The following SOX6 variants were observed in gnomAD, a reference collection of about 807,000 sequenced individuals.
SOX6 encodes transcription factor SOX-6.
Under a neutral mutation model 97.8 loss-of-function variants are expected in SOX6, and 11 were observed. That is an observed-to-expected ratio of 0.11 (90% confidence interval 0.07 to 0.19). The LOEUF is 0.19. Ranked by LOEUF, SOX6 falls within the 10% of genes least tolerant of loss-of-function variation. The probability of loss-of-function intolerance (pLI) is 1.00; values close to 1 mark genes in which losing one functional copy is unlikely to be tolerated. For missense variants in SOX6, 810 were observed against 1,039.5 expected (o/e 0.78, Z 3.04); for synonymous variants, 360 against 371.4 (o/e 0.97, Z 0.35).
In SOX6 at chr11:16,201,884, C is replaced by T. The variant is rs935542106; in HGVS notation, c.536-14929G>A. The stretch of plus-strand genomic sequence containing the variant: ...TCCTGACCTCGTGATCCGCCCGCCT[C>T]GGCCTCCCAAAGTGCTGGGATTACA... On this transcript the variant is annotated intron_variant, in intron 4 of 15. Coordinates refer to ENST00000683767, the MANE Select transcript of SOX6 (RefSeq NM_001367873.1). Among the ~76,000 whole-genome samples the T allele has an allele frequency of 6.6e-5, 9 of 135,478 alleles. 1 individual carries two copies. The East Asian group carries it at 1.5e-3, about 22-fold the overall frequency. 88.9% of individuals were successfully genotyped at this position (135,478 alleles called of 152,430 possible). A position where few individuals can be genotyped will look rare whatever the true frequency, so the allele number is the denominator to read the frequency against.
intron 6 of SOX6, among the ~76,000 whole-genome samples, chr11:16,132,063 A>G (rs1279353986): frequency 2.0e-5 from 3 of 151,728 alleles, no homozygotes; most frequent in Admixed American, 1.3e-4. Context: ...AAATTGTCCT[A>G]TAAAGCAGGC....
At chr11:16,098,678 C>A (rs935172773) in intron 7 of SOX6, among the ~76,000 whole-genome samples, 1 of 151,778 alleles carries the variant, frequency 6.6e-6, no homozygotes, top group Non-Finnish European at 1.5e-5. Context: ...TTAAAGTCAG[C>A]GTTATGTAAT....
At chr11:16,556,361 C>T (rs963642388) in intron 4 of SOX6, among the ~76,000 whole-genome samples, 4 of 151,728 alleles carry the variant, frequency 2.6e-5, no homozygotes, top group Non-Finnish European at 5.9e-5. Flanking sequence ...AAACTACCAG[C>T]AATGCTAATC....
intron 1 of SOX6, among the ~76,000 whole-genome samples, chr11:16,362,868 C>T (rs1033337881): frequency 3.9e-4 from 60 of 152,256 alleles, no homozygotes; most frequent in African/African-American, 1.4e-3. Context: ...CACTTCATTG[C>T]AGAGGCAGCC....
chr11:16,547,671 TACAA>T (rs1847637437), intron 4 of SOX6, among the ~76,000 whole-genome samples: 1 of 152,082 alleles, frequency 6.6e-6, no homozygotes, highest in South Asian at 2.1e-4. Flanking sequence ...GGTTAATGGG[TACAA>T]ACAGAGAGAC....
chr11:16,258,236 T>C (rs922731903), intron 3 of SOX6, among the ~76,000 whole-genome samples: 3 of 151,986 alleles, frequency 2.0e-5, no homozygotes, highest in Admixed American at 1.3e-4. Context: ...AAAACTTATG[T>C]CCACACAAAA....
chr11:16,215,490 C>A (rs1852348387), intron 4 of SOX6, among the ~76,000 whole-genome samples: 1 of 152,168 alleles, frequency 6.6e-6, no homozygotes, highest in Admixed American at 6.5e-5. Flanking sequence ...TCCCAGAAGT[C>A]TAGCCAGCAT....
At chr11:16,500,997 G>A (rs906137373) in intron 4 of SOX6, among the ~76,000 whole-genome samples, 15 of 152,126 alleles carry the variant, frequency 9.9e-5, no homozygotes, top group Non-Finnish European at 1.9e-4. Context: ...AGCCCACATT[G>A]CCAAGTCAAT....
chr11:16,551,296 G>A (rs1847683151), intron 4 of SOX6, among the ~76,000 whole-genome samples: 1 of 152,174 alleles, frequency 6.6e-6, no homozygotes, highest in African/African-American at 2.4e-5. Context: ...GTTGCAGTTA[G>A]CTGTGGTCAC....
At chr11:16,155,459 C>T (rs1029581652) in intron 6 of SOX6, among the ~76,000 whole-genome samples, 5 of 152,056 alleles carry the variant, frequency 3.3e-5, no homozygotes, top group Non-Finnish European at 7.4e-5. Flanking sequence ...ACAGTAAACA[C>T]TATATAAGTG....
chr11:16,567,655 C>T (rs1383890705), intron 4 of SOX6, among the ~76,000 whole-genome samples: 1 of 148,514 alleles, frequency 6.7e-6, no homozygotes, highest in Non-Finnish European at 1.5e-5. Context: ...CAACCTCCGC[C>T]TTCTGGGTTC....
chr11:16,183,827 C>A, intron 6 of SOX6, 59 bp downstream of exon 6: 1 of 1,531,648 alleles, frequency 6.5e-7, no homozygotes, highest in South Asian at 1.1e-5. Context: ...TTTTAAATTC[C>A]ATTTTCAAGG....
intron 3 of SOX6, among the ~76,000 whole-genome samples, chr11:16,297,297 A>G (rs1855123084): frequency 1.3e-5 from 2 of 152,140 alleles, no homozygotes; most frequent in African/African-American, 4.8e-5. Context: ...CACAAAAAAA[A>G]TTCCATAAAT....
chr11:16,132,972 A>G (rs2134025866), intron 6 of SOX6, among the ~76,000 whole-genome samples: 1 of 152,260 alleles, frequency 6.6e-6, no homozygotes, highest in East Asian at 1.9e-4. Flanking sequence ...TTATTCATTC[A>G]GAGACAGTTG....
intron 6 of SOX6, among the ~76,000 whole-genome samples, chr11:16,156,023 G>C (rs1850587122): frequency 6.6e-6 from 1 of 151,850 alleles, no homozygotes; most frequent in South Asian, 2.1e-4. Context: ...GTGTGTAAAG[G>C]GGACAGTTCC....
At chr11:16,236,624 A>G (rs1342685143) in intron 3 of SOX6, among the ~76,000 whole-genome samples, 2 of 152,082 alleles carry the variant, frequency 1.3e-5, no homozygotes, top group African/African-American at 4.8e-5. Flanking sequence ...CATATAGTAT[A>G]GTAGTCAAAG....
intron 9 of SOX6, among the ~76,000 whole-genome samples, chr11:16,077,720 A>G (rs1422935056): frequency 6.6e-6 from 1 of 152,198 alleles, no homozygotes; most frequent in African/African-American, 2.4e-5. Flanking sequence ...AAAATCAAAT[A>G]CCACATATTC....
At chr11:16,449,596 C>G (rs749837415) in intron 1 of SOX6, among the ~76,000 whole-genome samples, 5 of 152,054 alleles carry the variant, frequency 3.3e-5, no homozygotes, top group Admixed American at 6.6e-5. Flanking sequence ...CCGGCCGCCC[C>G]TTCTTTATTT....
chr11:16,700,375 TCAAA>T (rs746540545), intron 3 of SOX6, among the ~76,000 whole-genome samples: 1 of 151,806 alleles, frequency 6.6e-6, no homozygotes, highest in Non-Finnish European at 1.5e-5. Context: ...TCATCAGGAG[TCAAA>T]CAGTCTAGGG....
Sources: allele counts gnomAD v4.1 joint callset (sites outside exome capture counted in the v4.1 genomes callset), GRCh38; gene constraint gnomAD v4.1.1; transcripts MANE v1.5; gene names NCBI Gene and HGNC (gene_info 2026-07-23, HGNC 2026-07-21).